The following LSAMP variants were observed in gnomAD, a reference collection of about 807,000 sequenced individuals.
The protein encoded by LSAMP is limbic system associated membrane protein.
A neutral mutation model predicts 38.6 loss-of-function variants in LSAMP; 7 were observed. The ratio of observed to expected loss-of-function variants is 0.18; its 90% CI spans 0.10 to 0.34. The LOEUF (loss-of-function observed/expected upper bound fraction) is 0.34, where lower values mean the gene tolerates loss of function less well. LSAMP is among the 10% of genes least tolerant of loss of function. The pLI is 1.00. For synonymous variants in LSAMP, 154 were observed against 166.8 expected, an observed-to-expected ratio of 0.92 and a Z score of 0.59; for missense variants, 313 against 420.0, an observed-to-expected ratio of 0.75 and a Z score of 2.23.
At chr3:116,058,396 A>G (rs1275348420) in intron 2 of LSAMP, among the ~76,000 whole-genome samples, 4 of 152,050 alleles carry the variant, frequency 2.6e-5, no homozygotes, top group African/African-American at 9.7e-5. Context: ...GGAACACTTA[A>G]CATATTTGCT....
chr3:116,137,585 C>A lies in LSAMP; in HGVS notation c.156-51029G>T, dbSNP rs542005987. The stretch of plus-strand genomic sequence containing the variant: ...CCTTTGAGAAATAGTGAAACATAAT[C>A]TTTAATGCTGAAAAATAATCACAAG... On this transcript the variant is annotated intron_variant, in intron 1 of 6. Coordinates refer to ENST00000490035, the MANE Select transcript of LSAMP (RefSeq NM_002338.5). Among the ~76,000 whole-genome samples, 5 of 152,218 alleles carry A rather than the reference C, an allele frequency of 3.3e-5. No homozygotes were observed. The South Asian group carries it at 1.0e-3, about 32-fold the overall frequency.
chr3:116,085,173 A>G (rs890303004), intron 2 of LSAMP, among the ~76,000 whole-genome samples: 4 of 152,226 alleles, frequency 2.6e-5, no homozygotes, highest in African/African-American at 9.6e-5. Context: ...CTGTGATTGG[A>G]ACTTTGCAAG....
chr3:116,173,931 T>C (rs1430020153), intron 1 of LSAMP, among the ~76,000 whole-genome samples: 1 of 152,050 alleles, frequency 6.6e-6, no homozygotes, highest in East Asian at 1.9e-4. Flanking sequence ...TGAAAAAGTA[T>C]CCAGCACTTT....
At chr3:116,072,874 T>C (rs1707646151) in intron 2 of LSAMP, among the ~76,000 whole-genome samples, 1 of 151,920 alleles carries the variant, frequency 6.6e-6, no homozygotes, top group Non-Finnish European at 1.5e-5. Flanking sequence ...ACTCTGATGA[T>C]AGTTTCTTTT....
intron 1 of LSAMP, among the ~76,000 whole-genome samples, chr3:116,331,703 T>G (rs2047856094): frequency 6.6e-6 from 1 of 152,206 alleles, no homozygotes. Context: ...CACCAGATAG[T>G]AACCTGAAGC....
intron 1 of LSAMP, among the ~76,000 whole-genome samples, chr3:116,305,582 T>G (rs746714663): frequency 2.0e-5 from 3 of 151,838 alleles, no homozygotes; most frequent in Non-Finnish European, 2.9e-5. Context: ...CCAGCTTGCA[T>G]GAAAAAAATA....
chr3:115,919,292 G>T (rs1207870601), intron 3 of LSAMP, among the ~76,000 whole-genome samples: 2 of 152,132 alleles, frequency 1.3e-5, no homozygotes, highest in African/African-American at 2.4e-5. Flanking sequence ...TGCAGGTGAC[G>T]TTTCTTGTGC....
chr3:116,199,274 AT>A (rs1213848383), intron 1 of LSAMP, among the ~76,000 whole-genome samples: 1 of 152,042 alleles, frequency 6.6e-6, no homozygotes, highest in African/African-American at 2.4e-5. Context: ...ATGGTTAATT[AT>A]TTCTTAAAAC....
At chr3:115,842,059 C>T in intron 5 of LSAMP, 66 bp from the exon 6 acceptor site, 1 of 1,498,066 alleles carries the variant, frequency 6.7e-7, no homozygotes, top group Non-Finnish European at 9.1e-7. Context: ...GGAATTCTTT[C>T]CCCATCCTGA....
At chr3:116,149,466 T>A (rs1245296010) in intron 1 of LSAMP, among the ~76,000 whole-genome samples, 1 of 152,016 alleles carries the variant, frequency 6.6e-6, no homozygotes, top group Non-Finnish European at 1.5e-5. Flanking sequence ...AGATAATCCC[T>A]TTCACTCCTG....
At chr3:116,435,314 A>G (rs2049334888) in intron 1 of LSAMP, among the ~76,000 whole-genome samples, 1 of 152,150 alleles carries the variant, frequency 6.6e-6, no homozygotes, top group Admixed American at 6.5e-5. Context: ...AGTTCAAGTC[A>G]GCTCTTGTCC....
At chr3:116,322,061 G>A (rs907974422) in intron 1 of LSAMP, among the ~76,000 whole-genome samples, 1 of 152,162 alleles carries the variant, frequency 6.6e-6, no homozygotes, top group African/African-American at 2.4e-5. Flanking sequence ...TAGTTACATT[G>A]TTCACTGAAG....
Position 116,052,893 on chromosome 3 carries a change from G to T in LSAMP, c.389-33253C>A, listed in dbSNP as rs1371600701. Among the ~76,000 whole-genome samples the T allele has an allele frequency of 2.0e-5, 3 of 152,158 alleles. No homozygotes were observed. In the East Asian group the frequency reaches 5.8e-4, roughly 29 times the overall value. ...GTGCAGAGAATCAACCAGTTCTGAA[G>T]CAAAACTTGGTTTCATTAAATGGTG... On this transcript the variant is annotated intron_variant, in intron 2 of 6. Coordinates refer to ENST00000490035, the MANE Select transcript of LSAMP (RefSeq NM_002338.5).
rs140636317 is a variant in LSAMP, at chr3:115,945,472, G to T, written c.514+74043C>A. Among the ~76,000 whole-genome samples, 332 of 152,222 alleles carry T rather than the reference G, an allele frequency of 2.2e-3. 5 individuals are homozygous for T. Among genetic ancestry groups the T allele is most frequent in the Admixed American group, 0.018 (274 of 15,278 alleles). On this transcript the variant is annotated intron_variant, in intron 3 of 6. Coordinates refer to ENST00000490035, the MANE Select transcript of LSAMP (RefSeq NM_002338.5). ...ACAAGGCTGCAGATATTGTAAAGGG[G>T]TGAGAAATGGGAGGTAGGAGAAAGT...
intron 1 of LSAMP, among the ~76,000 whole-genome samples, chr3:116,205,981 C>G (rs2046061998): frequency 6.6e-6 from 1 of 151,314 alleles, no homozygotes; most frequent in Non-Finnish European, 1.5e-5. Context: ...AGGAATGGTA[C>G]CAGTTCCTCC....
chr3:116,314,292 T>C (rs2107721033), intron 1 of LSAMP, among the ~76,000 whole-genome samples: 1 of 152,292 alleles, frequency 6.6e-6, no homozygotes, highest in South Asian at 2.1e-4. Context: ...ACTGAATTCA[T>C]AATAGTGCCA....
At chr3:116,151,721 C>T (rs957241746) in intron 1 of LSAMP, among the ~76,000 whole-genome samples, 1 of 151,976 alleles carries the variant, frequency 6.6e-6, no homozygotes, top group African/African-American at 2.4e-5. Context: ...AACCCAGGAA[C>T]TTGACCAACT....
chr3:116,294,744 T>A (rs2047307067), intron 1 of LSAMP, among the ~76,000 whole-genome samples: 1 of 152,196 alleles, frequency 6.6e-6, no homozygotes, highest in South Asian at 2.1e-4. Context: ...TGTGGGATAT[T>A]TATTATAGAA....
intron 3 of LSAMP, among the ~76,000 whole-genome samples, chr3:115,925,817 T>C (rs1271133211): frequency 2.0e-5 from 3 of 152,194 alleles, no homozygotes; most frequent in African/African-American, 7.2e-5. Flanking sequence ...GCATAGAATA[T>C]GTTGACATGC....
Sources: allele counts gnomAD v4.1 joint callset (sites outside exome capture counted in the v4.1 genomes callset), GRCh38; gene constraint gnomAD v4.1.1; transcripts MANE v1.5; gene names NCBI Gene and HGNC (gene_info 2026-07-23, HGNC 2026-07-21).